Variants in LDB3 observed in about 807,000 individuals in gnomAD.
The protein encoded by LDB3 is LIM domain binding 3.
LDB3 carries 49 observed loss-of-function variants against 69.0 expected under a neutral mutation model. That is an observed-to-expected ratio of 0.71 (90% confidence interval 0.56 to 0.90). The LOEUF is 0.90. Among genes scored for constraint, LDB3 ranks in the 40% least tolerant of loss-of-function variants. LDB3 has a pLI of 0.00. For missense variants in LDB3, 928 were observed against 974.1 expected (o/e 0.95, Z 0.63); for synonymous variants, 387 against 396.2 (o/e 0.98, Z 0.28).
upstream of LDB3, chr10:86,666,798 G>C (rs1018624900): frequency 2.1e-6 from 1 of 470,964 alleles, no homozygotes; most frequent in Admixed American, 2.3e-5. Flanking sequence ...CCCCAGAGGC[G>C]AGCTTCATCA....
At chr10:86,729,439 T>A (rs1301677305) in intron 13 of LDB3, among the ~76,000 whole-genome samples, 3 of 152,186 alleles carry the variant, frequency 2.0e-5, no homozygotes, top group Non-Finnish European at 4.4e-5. Flanking sequence ...CCTTCCCCAC[T>A]GGTGTGGGTA....
At chr10:86,712,294 G>A (rs1362577635) in intron 9 of LDB3, among the ~76,000 whole-genome samples, 1 of 152,238 alleles carries the variant, frequency 6.6e-6, no homozygotes, top group Non-Finnish European at 1.5e-5. Flanking sequence ...AAGAAAAGGA[G>A]GTGGATCCGG....
At chr10:86,667,894 GCTCCAGTGTGACCTGGGTCCA>G (rs1844241401), upstream of LDB3, among the ~76,000 whole-genome samples, 1 of 152,190 alleles carries the variant, frequency 6.6e-6, no homozygotes, top group Admixed American at 6.5e-5. Flanking sequence ...ATCAGCCCAG[GCTCCAGTGTGACCTGGGTCCA>G]CTCCTTGTGT....
Position 86,699,221 on chromosome 10 carries a change from T to C in LDB3, c.896+6650T>C. 6.3e-6 allele frequency: 10 copies of C among 1,577,298 alleles called. No homozygotes were observed. Among genetic ancestry groups the C allele is most frequent in the Admixed American group, 1.7e-5 (1 of 57,576 alleles). ...TTCATTCTCCCTCTCTTCTCTCTCT[T>C]TCTGTCTCTGTCTCTGTTTCTCTCT... is the stretch of plus-strand genomic sequence containing the variant. On this transcript the variant is annotated intron_variant, in intron 7 of 13. Coordinates refer to ENST00000361373, the MANE Select transcript of LDB3 (RefSeq NM_007078.3). This position sits in a 1 kb window ranked among gnomAD's most constrained non-coding sequence, Gnocchi z 4.9.
rs567800041 is a variant in LDB3, at chr10:86,689,831, G to GTGGC, written c.690-2063_690-2062insGCTG. ...GACCTGATGTTGCGGTGACTGTGGA[G>GTGGC]TGTTTTCTGTGGCAAGAAGAACAAG... On this transcript the variant is annotated intron_variant, in intron 5 of 13. Transcript: ENST00000361373. Among the ~76,000 whole-genome samples, 136 of 152,240 alleles carry GTGGC rather than the reference G, an allele frequency of 8.9e-4. 1 individual carries two copies. The highest frequency in any genetic ancestry group is 1.6e-3 in the Non-Finnish European group (109 of 68,042).
chr10:86,711,913 C>T (rs963306013), intron 9 of LDB3, among the ~76,000 whole-genome samples: 5 of 151,970 alleles, frequency 3.3e-5, no homozygotes, highest in African/African-American at 1.2e-4. Context: ...TCCCCGAGCC[C>T]GCCGAGTGCG....
At chr10:86,679,247 C>T (rs561225771) in intron 2 of LDB3, 120 bp from the exon 3 acceptor site, 21 of 1,245,844 alleles carry the variant, frequency 1.7e-5, no homozygotes, top group South Asian at 1.1e-4. Flanking sequence ...CTGGCCGTAG[C>T]GAATGAAAAA....
In LDB3 at chr10:86,716,541, G is replaced by A. The variant is rs745655908; in HGVS notation, c.1446G>A (p.Ala482=). 14 of 1,613,056 alleles carry A rather than the reference G, an allele frequency of 8.7e-6. No homozygotes were observed. The highest frequency in any genetic ancestry group is 6.7e-5 in the East Asian group (3 of 44,810). The change falls in exon 10 of 14, where the codon GCG becomes GCA. Residue 482 remains alanine, a synonymous_variant. Coordinates refer to ENST00000361373, the MANE Select transcript of LDB3 (RefSeq NM_007078.3). ...CGGTGGCCTACAGCGGGGGCCCTGC[G>A]GAGCCTGCCAGCCGTCCACCCTGGG... ...APSVAYSGGP[A]EPASRPPWVT... is the part of the protein sequence containing the mutation.
intron 2 of LDB3, among the ~76,000 whole-genome samples, chr10:86,674,624 A>G (rs900084720): frequency 1.2e-4 from 18 of 152,202 alleles, no homozygotes; most frequent in African/African-American, 4.1e-4. Flanking sequence ...TTGGCGGGAG[A>G]AGACTGAAAT....
chr10:86,711,577 T>G (rs369542505), intron 9 of LDB3, among the ~76,000 whole-genome samples: 22 of 151,662 alleles, frequency 1.5e-4, no homozygotes, highest in Admixed American at 7.2e-4. Context: ...TCCCCTTCCC[T>G]CCAGGCTCTT....
In LDB3 at chr10:86,681,558, G is replaced by C. The variant is rs754596106; in HGVS notation, c.444G>C (p.Arg148=). 1.2e-6 allele frequency: 2 copies of C among 1,612,934 alleles called. No individual in the cohort carries two copies. The highest frequency in any genetic ancestry group is 1.7e-5 in the Admixed American group (1 of 59,998). The part of the protein sequence containing the change: ...LRPTFSPAFS[R]PSAFSSLAEA... ...CCACCTTTAGCCCTGCCTTCTCCCG[G>C]CCCTCCGCCTTCTCCTCACTCGCCG... Residue 148 remains arginine, a synonymous_variant, in exon 5 of 14, where the codon CGG becomes CGC. Transcript: ENST00000361373.
rs1845795580 is a variant in LDB3, at chr10:86,692,146, G to A, written c.859+81G>A. 6.6e-7 allele frequency: 1 copy of A among 1,507,738 alleles called. No homozygotes were observed. The highest frequency in any genetic ancestry group is 1.8e-5 in the Admixed American group (1 of 55,810). 93.4% of individuals were successfully genotyped at this position (1,507,738 alleles called of 1,614,324 possible). On this transcript the variant is annotated intron_variant, in intron 6 of 13. Coordinates refer to ENST00000361373, the MANE Select transcript of LDB3 (RefSeq NM_007078.3). ...GGGACCTGGGCCCAGCACTGCAGAA[G>A]CCAGGGAGTCCTGCTACCTGCCCTT...
chr10:86,689,755 G>C (rs1430243302), intron 5 of LDB3, among the ~76,000 whole-genome samples: 1 of 152,200 alleles, frequency 6.6e-6, no homozygotes, highest in African/African-American at 2.4e-5. Flanking sequence ...CCATGGGAGG[G>C]GAAAGATGAA....
At chr10:86,691,553 A>G (rs1439747182) in intron 5 of LDB3, among the ~76,000 whole-genome samples, 1 of 152,148 alleles carries the variant, frequency 6.6e-6, no homozygotes, top group Non-Finnish European at 1.5e-5. Flanking sequence ...CGGCCTGCTC[A>G]CGGAGGTCAA....
At chr10:86,673,267 G>A (rs983204325) in intron 2 of LDB3, among the ~76,000 whole-genome samples, 1 of 152,270 alleles carries the variant, frequency 6.6e-6, no homozygotes, top group African/African-American at 2.4e-5. Context: ...AGGAAAGCCA[G>A]GGGAGGTGTG....
chr10:86,694,511 C>G lies in LDB3; in HGVS notation c.896+1940C>G, dbSNP rs370686741. The stretch of plus-strand genomic sequence containing the variant: ...GCAACTTCCCTCACCCCATCAGCAC[C>G]TCTCTCTGGGGTCTCAGGCCCTGCA... On this transcript the variant is annotated intron_variant, in intron 7 of 13. Transcript: ENST00000361373. Among the ~76,000 whole-genome samples, 453 of 152,312 alleles carry G rather than the reference C, an allele frequency of 3.0e-3. 2 individuals carry two copies. The highest frequency in any genetic ancestry group is 4.9e-3 in the Non-Finnish European group (336 of 68,030).
rs1248150379 is a variant in LDB3, at chr10:86,706,542, A to G, written c.908A>G (p.Glu303Gly). Residue 303 changes from glutamate to glycine, a missense_variant, in exon 8 of 14, where the codon GAG (glutamate) becomes GGG (glycine). Transcript: ENST00000361373. ...EALRRSSTPI[E>G]HAPVCTSQAT... is the part of the protein sequence containing the mutation. ...TCCCGCCTCATCAGCACCCCTATTG[A>G]GCATGCGCCGGTGTGCACCAGCCAG... is the stretch of plus-strand genomic sequence containing the variant. The G allele has an allele frequency of 6.2e-7, 1 of 1,612,512 alleles. No homozygotes were observed. The highest frequency in any genetic ancestry group is 2.2e-5 in the East Asian group (1 of 44,864).
chr10:86,720,428 A>G lies in LDB3; in HGVS notation c.1978+1581A>G, dbSNP rs368678201. Among the ~76,000 whole-genome samples the G allele has an allele frequency of 1.3e-3, 201 of 149,558 alleles. 1 individual carries two copies. The highest frequency in any genetic ancestry group is 4.8e-3 in the African/African-American group (191 of 39,900). Reference sequence around the variant, plus strand: ...CGTTGCACTCCAGCCTGGGCAACACAGTAAGACTCCATCTGAAAAAAAAAA... The same window carrying G: ...CGTTGCACTCCAGCCTGGGCAACACGGTAAGACTCCATCTGAAAAAAAAAA... On this transcript the variant is annotated intron_variant, in intron 12 of 13. Coordinates refer to ENST00000361373, the MANE Select transcript of LDB3 (RefSeq NM_007078.3).
At chr10:86,707,625 A>G (rs1846491125) in intron 8 of LDB3, among the ~76,000 whole-genome samples, 1 of 152,196 alleles carries the variant, frequency 6.6e-6, no homozygotes, top group Non-Finnish European at 1.5e-5. Flanking sequence ...CAGGTGTCCC[A>G]GGCCTCCCAC....
Sources: allele counts gnomAD v4.1 joint callset (sites outside exome capture counted in the v4.1 genomes callset), GRCh38; gene constraint gnomAD v4.1.1; non-coding constraint Gnocchi (gnomAD v3.1); transcripts MANE v1.5; gene names NCBI Gene and HGNC (gene_info 2026-07-23, HGNC 2026-07-21).